Variants in SLC14A1 observed in about 807,000 individuals in gnomAD.
SLC14A1 encodes urea transporter 1.
SLC14A1 carries 36 observed loss-of-function variants against 39.6 expected under a neutral mutation model. That is an observed-to-expected ratio of 0.91 (90% CI 0.70 to 1.20). The LOEUF (loss-of-function observed/expected upper bound fraction) is 1.20, where lower values mean the gene tolerates loss of function less well. Among genes scored for constraint, SLC14A1 ranks in the 50% most tolerant of loss-of-function variants. The pLI is 0.00. For synonymous variants in SLC14A1, 164 were observed against 173.6 expected (o/e 0.94, Z 0.43); for missense variants, 469 against 478.7 (o/e 0.98, Z 0.19).
Position 45,729,485 on chromosome 18 carries a change from G to A in SLC14A1, c.-21-815G>A, listed in dbSNP as rs188073412. 5.3e-5 allele frequency: 8 copies of A among 152,282 alleles called. No homozygotes were observed. The East Asian group carries it at 1.2e-3, about 22-fold the overall frequency. 9.4% of individuals were successfully genotyped at this position (152,282 alleles called of 1,614,324 possible). ...ACAGTCATGGTTATAGTGTTCATAC[G>A]TTCCAGAGACATGTTTCCTATAATT... is the stretch of plus-strand genomic sequence containing the variant. On this transcript the variant is annotated intron_variant, in intron 2 of 9. Transcript: ENST00000321925.
rs1460927307 is a variant in SLC14A1, at chr18:45,734,342, C to T, written c.410C>T (p.Ser137Leu). The change falls in exon 5 of 10, where the codon TCG becomes TTG. Residue 137 changes from serine (S) to leucine (L), a missense_variant. Ser to Leu is a moderately radical substitution (Grantham distance 145). Transcript: ENST00000321925. ...GTGGGAGTACTCATGGCTGTCTTTT[C>T]GGACAAGGGAGACTATTTCTGGTGG... ...TLVGVLMAVF[S>L]DKGDYFWWLL... The T allele has an allele frequency of 1.2e-6, 2 of 1,613,698 alleles. No individual in the cohort carries two copies. The highest frequency in any genetic ancestry group is 8.5e-7 in the Non-Finnish European group (1 of 1,179,914).
At position 45,751,557 on chromosome 18, in the gene SLC14A1, C is replaced by A. The variant is rs956172162; in HGVS notation, c.*1606C>A. ...CTTTGGGAGATGGAGGTAAAAGGAT[C>A]TCTTGAGCCCAGGAGTTCAAGACCA... On this transcript the variant is annotated 3_prime_UTR_variant, in exon 10 of 10. Transcript: ENST00000321925. The A allele has an allele frequency of 2.1e-6, 2 of 968,630 alleles. No homozygotes were observed. Among genetic ancestry groups the A allele is most frequent in the East Asian group, 2.3e-4 (2 of 8,686 alleles). The allele number at this position is 968,630 out of a possible 1,614,324, so 60.0% of individuals were successfully genotyped here. A position where few individuals can be genotyped will look rare whatever the true frequency, so the allele number is the denominator to read the frequency against.
chr18:45,731,811 T>C (rs1459968505), intron 4 of SLC14A1, among the ~76,000 whole-genome samples: 2 of 152,334 alleles, frequency 1.3e-5, no homozygotes, highest in East Asian at 3.9e-4. Flanking sequence ...ACCAGGGCAG[T>C]AGATAGCTCC....
chr18:45,739,511 C>T lies in SLC14A1; in HGVS notation c.812-17C>T. The T allele has an allele frequency of 6.2e-7, 1 of 1,613,968 alleles. No individual in the cohort carries two copies. The highest frequency in any genetic ancestry group is 8.5e-7 in the Non-Finnish European group (1 of 1,179,852). On this transcript the variant is annotated splice_polypyrimidine_tract_variant and intron_variant, in intron 7 of 9. Transcript: ENST00000321925. ...CCTGCCTTTAGTCCTGAGTTCTGAC[C>T]CCTCCTGTCTTAACAGGACTCAGTC...
rs769205808 is a variant in SLC14A1, at chr18:45,749,778, G to A, written c.997G>A (p.Val333Ile). 1.4e-5 allele frequency: 23 copies of A among 1,614,030 alleles called. No individual in the cohort carries two copies. The highest frequency in any genetic ancestry group is 4.2e-6 in the Non-Finnish European group (5 of 1,180,054). Residue 333 changes from valine to isoleucine, a missense_variant and splice_region_variant, in exon 10 of 10, where the codon GTT becomes ATT. Transcript: ENST00000321925. ...CGTGTGGCTTTCTCTTCTTCCCCAGGTTGGATTGCCAGCTTGTACCTGGCC... is the reference window on the plus strand; with the variant it reads ...CGTGTGGCTTTCTCTTCTTCCCCAGATTGGATTGCCAGCTTGTACCTGGCC... Reference protein sequence around the residue: ...GVGMANFMAEVGLPACTWPFC... With the variant: ...GVGMANFMAEIGLPACTWPFC...
At chr18:45,733,215 A>T (rs936940502) in intron 4 of SLC14A1, among the ~76,000 whole-genome samples, 4 of 152,236 alleles carry the variant, frequency 2.6e-5, no homozygotes, top group African/African-American at 4.8e-5. Flanking sequence ...ACATCTATGT[A>T]ACAAACCTGC....
chr18:45,751,949 A>T lies in SLC14A1; in HGVS notation c.*1998A>T. ...TTGCAGTGCTCAGTGCACAATATAC[A>T]TTTTGCTGAATGAATAAACAGAAAT... On this transcript the variant is annotated 3_prime_UTR_variant, in exon 10 of 10. Transcript: ENST00000321925. The T allele has an allele frequency of 1.0e-6, 1 of 985,406 alleles. No individual in the cohort carries two copies. Among genetic ancestry groups the T allele is most frequent in the Non-Finnish European group, 1.2e-6 (1 of 829,926 alleles). The allele number at this position is 985,406 out of a possible 1,614,324, so 61.0% of individuals were successfully genotyped here. A position where few individuals can be genotyped will look rare whatever the true frequency, so the allele number is the denominator to read the frequency against.
Position 45,748,422 on chromosome 18 carries a change from T to G in SLC14A1, c.993T>G (p.Ala331=). The G allele has an allele frequency of 6.2e-7, 1 of 1,614,128 alleles. No individual in the cohort carries two copies. The highest frequency in any genetic ancestry group is 1.1e-5 in the South Asian group (1 of 91,076). Residue 331 remains alanine, a synonymous_variant, in exon 9 of 10, where the codon GCT becomes GCG. Coordinates refer to ENST00000321925, the MANE Select transcript of SLC14A1 (RefSeq NM_015865.7). ...YLGVGMANFM[A]EVGLPACTWP... ...GAGTCGGCATGGCAAACTTTATGGC[T>G]GAGGTGAGTTTGCTTTAGTCTCACT...
chr18:45,734,295 C>A lies in SLC14A1; in HGVS notation c.363C>A (p.Leu121=). The part of the protein sequence containing the change: ...SQDRSLIASG[L]YGYNATLVGV... ...ACAGGTCATTAATAGCATCTGGGCT[C>A]TATGGCTACAATGCCACCCTGGTGG... Residue 121 remains leucine (L), a synonymous_variant, in exon 5 of 10, where the codon CTC becomes CTA. Coordinates refer to ENST00000321925, the MANE Select transcript of SLC14A1 (RefSeq NM_015865.7). The A allele has an allele frequency of 6.2e-7, 1 of 1,614,068 alleles. No individual in the cohort carries two copies. Among genetic ancestry groups the A allele is most frequent in the Non-Finnish European group, 8.5e-7 (1 of 1,179,976 alleles).
chr18:45,749,719 T>G, intron 9 of SLC14A1, 59 bp from the exon 10 acceptor site: 2 of 1,601,930 alleles, frequency 1.2e-6, no homozygotes, highest in African/African-American at 2.7e-5. Flanking sequence ...GGATGCCTTG[T>G]GCAGCTCAGC....
At chr18:45,739,727 A>T in intron 8 of SLC14A1, 65 bp downstream of exon 8, 1 of 1,608,760 alleles carries the variant, frequency 6.2e-7, no homozygotes, top group Non-Finnish European at 8.5e-7. Context: ...AAGGATAAGC[A>T]GTAAAAACGG....
rs1468303164 is a variant in SLC14A1 at position 45,734,531 on chromosome 18, T to C, written c.470+129T>C. On this transcript the variant is annotated intron_variant, in intron 5 of 9. Transcript: ENST00000321925. ...AATATGTTCTCTGAATGTATAGTGG[T>C]GATGGTTGTACAACAATGTGATTGT... 6 of 980,098 alleles carry C rather than the reference T, an allele frequency of 6.1e-6. No individual in the cohort carries two copies. The East Asian group carries it at 1.5e-4, about 25-fold the overall frequency. 60.7% of individuals were successfully genotyped at this position (980,098 alleles called of 1,614,324 possible).
At chr18:45,725,043 A>G (rs2046826656) in intron 2 of SLC14A1, 30 bp downstream of exon 2, 1 of 152,220 alleles carries the variant, frequency 6.6e-6, no homozygotes, top group Non-Finnish European at 1.5e-5. Context: ...CAATGCTGAA[A>G]GTCTCTTTAT....
intron 5 of SLC14A1, among the ~76,000 whole-genome samples, chr18:45,736,143 GATA>G (rs568089932): frequency 1.3e-3 from 195 of 152,272 alleles, no homozygotes; most frequent in African/African-American, 4.7e-3. Context: ...TAACTATGTA[GATA>G]ATATTTTATT....
intron 5 of SLC14A1, among the ~76,000 whole-genome samples, chr18:45,735,690 A>C (rs569624491): frequency 7.2e-5 from 11 of 152,318 alleles, no homozygotes; most frequent in African/African-American, 2.6e-4. Flanking sequence ...TAAACTCTTC[A>C]GGAAGTAATT....
chr18:45,739,464 C>A, intron 7 of SLC14A1, 64 bp from the exon 8 acceptor site: 1 of 1,610,532 alleles, frequency 6.2e-7, no homozygotes, highest in Non-Finnish European at 8.5e-7. Flanking sequence ...TCAATCCCAC[C>A]CTCAGTTTCC....
At chr18:45,746,363 G>A (rs1473745062) in intron 8 of SLC14A1, among the ~76,000 whole-genome samples, 10 of 152,290 alleles carry the variant, frequency 6.6e-5, no homozygotes, top group South Asian at 2.1e-4. Context: ...CCTACTTGGC[G>A]AGTCTTAATT....
intron 9 of SLC14A1, 151 bp downstream of exon 9, chr18:45,748,576 CCTTT>C (rs1258573282): frequency 3.7e-6 from 3 of 807,794 alleles, no homozygotes; most frequent in Middle Eastern, 2.4e-4. Flanking sequence ...AGCTCCCTGG[CCTTT>C]CTTTCAGCAT....
intron 4 of SLC14A1, among the ~76,000 whole-genome samples, chr18:45,732,808 C>T (rs2047072351): frequency 6.6e-6 from 1 of 152,222 alleles, no homozygotes; most frequent in South Asian, 2.1e-4. Context: ...ACGTTGCCAA[C>T]TCTCAGAGCT....
Sources: gnomAD v4.1 joint callset for allele counts (sites outside exome capture counted in the v4.1 genomes callset) on GRCh38, gnomAD v4.1.1 for gene constraint, MANE v1.5 for transcripts, NCBI Gene and HGNC (gene_info 2026-07-23, HGNC 2026-07-21) for gene names.